Variants in PTGFR observed in about 807,000 individuals in gnomAD.
PTGFR encodes prostaglandin F receptor.
Under a neutral mutation model 26.2 loss-of-function variants are expected in PTGFR, and 15 were observed. That is an observed-to-expected ratio of 0.57 (90% confidence interval 0.38 to 0.88). PTGFR has a LOEUF of 0.88. PTGFR is among the 40% of genes least tolerant of loss of function. The pLI is 0.00. For missense variants in PTGFR, 369 were observed against 427.2 expected, an observed-to-expected ratio of 0.86 and a Z score of 1.20; for synonymous variants, 165 against 151.1, an observed-to-expected ratio of 1.09 and a Z score of -0.68.
chr1:78,503,570 A>G (rs1397367285), intron 2 of PTGFR, among the ~76,000 whole-genome samples: 1 of 152,238 alleles, frequency 6.6e-6, no homozygotes, highest in Non-Finnish European at 1.5e-5. Flanking sequence ...GGATAGAGAC[A>G]GAGACATGAC....
intron 2 of PTGFR, among the ~76,000 whole-genome samples, chr1:78,496,945 G>C (rs1649568131): frequency 1.6e-5 from 2 of 122,254 alleles, no homozygotes; most frequent in Non-Finnish European, 3.2e-5. Flanking sequence ...ATATTTGTTA[G>C]AATCGATGAG....
chr1:78,532,424 A>ATATATGTGTATATATTTGTGTGTG (rs1650537814), intron 2 of PTGFR: 2 of 123,596 alleles, frequency 1.6e-5, no homozygotes, highest in African/African-American at 3.6e-5. Flanking sequence ...ATATGTGTGT[A>ATATATGTGTATATATTTGTGTGTG]TATATGTGTA....
intron 2 of PTGFR, among the ~76,000 whole-genome samples, chr1:78,516,599 T>C (rs1046595243): frequency 1.3e-5 from 2 of 152,208 alleles, no homozygotes; most frequent in Admixed American, 6.5e-5. Context: ...TTCCAGAGCA[T>C]TGACAATGCC....
intron 2 of PTGFR, among the ~76,000 whole-genome samples, chr1:78,531,114 G>T (rs1350365210): frequency 6.6e-6 from 1 of 152,152 alleles, no homozygotes; most frequent in African/African-American, 2.4e-5. Context: ...TGTGGCTGGA[G>T]GTTTGAGATA....
At chr1:78,498,878 C>T (rs1344915800) in intron 2 of PTGFR, among the ~76,000 whole-genome samples, 7 of 152,102 alleles carry the variant, frequency 4.6e-5, no homozygotes, top group African/African-American at 1.7e-4. Context: ...CTGTTTGGAA[C>T]GTGGAAGCAG....
At chr1:78,497,864 T>G in intron 2 of PTGFR, 1 of 1,560,500 alleles carries the variant, frequency 6.4e-7, no homozygotes, top group Non-Finnish European at 8.8e-7. Context: ...TTGTTTTACC[T>G]TCTCTTCAGG....
intron 2 of PTGFR, among the ~76,000 whole-genome samples, chr1:78,527,383 C>T (rs1367482494): frequency 6.6e-6 from 1 of 152,034 alleles, no homozygotes; most frequent in Non-Finnish European, 1.5e-5. Context: ...AACAAAAGGA[C>T]TTACTGCAAT....
intron 2 of PTGFR, among the ~76,000 whole-genome samples, chr1:78,498,208 A>G (rs1649605580): frequency 6.6e-6 from 1 of 152,200 alleles, no homozygotes. Context: ...CATTTTGACT[A>G]TTAGTGAAGA....
At chr1:78,534,834 G>T (rs943438933) in intron 2 of PTGFR, among the ~76,000 whole-genome samples, 3 of 152,088 alleles carry the variant, frequency 2.0e-5, no homozygotes, top group Non-Finnish European at 4.4e-5. Context: ...TCTTCTGTTG[G>T]ATACTTAGGT....
intron 2 of PTGFR, among the ~76,000 whole-genome samples, chr1:78,535,143 T>C (rs1374731908): frequency 6.6e-6 from 1 of 152,078 alleles, no homozygotes; most frequent in African/African-American, 2.4e-5. Flanking sequence ...CACTGCTGTT[T>C]GTAGAGGAGA....
At chr1:78,536,315 A>G in intron 2 of PTGFR, 91 bp from the exon 3 acceptor site, 1 of 1,280,588 alleles carries the variant, frequency 7.8e-7, no homozygotes, top group East Asian at 2.4e-5. Context: ...GTGGAAAGTG[A>G]AATGAATGTC....
intron 2 of PTGFR, among the ~76,000 whole-genome samples, chr1:78,499,267 C>T (rs1347145669): frequency 6.6e-6 from 1 of 152,202 alleles, no homozygotes; most frequent in Non-Finnish European, 1.5e-5. Flanking sequence ...TTAAAAAGTT[C>T]CTGTTCTCTT....
intron 2 of PTGFR, among the ~76,000 whole-genome samples, chr1:78,520,868 A>G (rs1394927405): frequency 6.6e-6 from 1 of 152,050 alleles, no homozygotes; most frequent in Non-Finnish European, 1.5e-5. Flanking sequence ...TTGGGGTGTG[A>G]GAATCAAGTT....
chr1:78,507,268 T>G (rs1447206798), intron 2 of PTGFR, among the ~76,000 whole-genome samples: 2 of 152,168 alleles, frequency 1.3e-5, no homozygotes, highest in Non-Finnish European at 2.9e-5. Flanking sequence ...AAACTCATCC[T>G]TTTTCCCAGA....
chr1:78,534,068 G>C (rs1650587381), intron 2 of PTGFR, among the ~76,000 whole-genome samples: 1 of 152,038 alleles, frequency 6.6e-6, no homozygotes, highest in Non-Finnish European at 1.5e-5. Context: ...CTACTTCTCA[G>C]AATTCTAATC....
intron 2 of PTGFR, among the ~76,000 whole-genome samples, chr1:78,518,672 G>T (rs1650153828): frequency 6.7e-6 from 1 of 150,280 alleles, no homozygotes. Context: ...CATGATCTAG[G>T]AATTTAGACA....
At chr1:78,512,047 A>C (rs143097526) in intron 2 of PTGFR, among the ~76,000 whole-genome samples, 2 of 152,168 alleles carry the variant, frequency 1.3e-5, no homozygotes, top group Non-Finnish European at 2.9e-5. Context: ...TTTCCTTCTG[A>C]CACCTCTTCA....
At chr1:78,520,697 G>A (rs1032834642) in intron 2 of PTGFR, among the ~76,000 whole-genome samples, 5 of 152,078 alleles carry the variant, frequency 3.3e-5, no homozygotes. Context: ...AAAGTATACA[G>A]AGCATGTCTT....
In PTGFR at chr1:78,493,485, G is replaced by A; in HGVS notation, c.742G>A (p.Val248Ile). 6.3e-7 allele frequency: 1 copy of A among 1,587,056 alleles called. No homozygotes were observed. Among genetic ancestry groups the A allele is most frequent in the Admixed American group, 1.8e-5 (1 of 55,550 alleles). ...AGGCAGATCTCATCATTTGGAAATG[G>A]TAATCCAGCTCCTGGCGATAATGTG... Reference protein sequence around the residue: ...RQGRSHHLEMVIQLLAIMCVS... With the variant: ...RQGRSHHLEMIIQLLAIMCVS... Residue 248 changes from valine (V) to isoleucine (I), a missense_variant, in exon 2 of 3, where the codon GTA becomes ATA. Physicochemically the swap from Val to Ile is conservative, Grantham distance 29. Coordinates refer to ENST00000370757, the MANE Select transcript of PTGFR (RefSeq NM_000959.4).
Sources: gnomAD v4.1 joint callset for allele counts (sites outside exome capture counted in the v4.1 genomes callset) on GRCh38, gnomAD v4.1.1 for gene constraint, MANE v1.5 for transcripts, NCBI Gene and HGNC (gene_info 2026-07-23, HGNC 2026-07-21) for gene names.